SMIM36: variants seen among roughly 807,000 people sequenced by gnomAD.
SMIM36 encodes the protein small integral membrane protein 36.
chr17:55,520,865 T>C, the SMIM36 span, among the ~76,000 whole-genome samples: 1 of 152,218 alleles, frequency 6.6e-6, no homozygotes, highest in Non-Finnish European at 1.5e-5. Flanking sequence ...GTGCTGTGGC[T>C]CACACCTGTA....
At chr17:55,479,244 C>A (rs562280615) in intron 2 of SMIM36, among the ~76,000 whole-genome samples, 1 of 152,316 alleles carries the variant, frequency 6.6e-6, no homozygotes, top group East Asian at 1.9e-4. Flanking sequence ...TTGCTTAGGA[C>A]CACAGGCAGG....
rs1215091171 is a variant in SMIM36 at position 55,467,135 on chromosome 17, ATATACT to A, written c.*531+4_*531+9del. 6.6e-6 allele frequency: 1 copy of A among 152,280 alleles called. No homozygotes were observed. The highest frequency in any genetic ancestry group is 2.4e-5 in the African/African-American group (1 of 41,456). The allele number at this position is 152,280 out of a possible 1,614,324, so 9.4% of individuals were successfully genotyped here. On this transcript the variant is annotated splice_donor_5th_base_variant and intron_variant, in intron 4 of 4. Coordinates refer to ENST00000636752, the Ensembl canonical transcript of SMIM36. ...AATAGAAACACAAAGGATGAGGCAA[ATATACT>A]TACACAGTGTTTGTTATAATGTCTG...
chr17:55,452,405 A>G (rs928212439), intron 4 of SMIM36, among the ~76,000 whole-genome samples: 12 of 152,152 alleles, frequency 7.9e-5, no homozygotes, highest in African/African-American at 2.9e-4. Flanking sequence ...TTGCTAACAG[A>G]GCTGGGGTAG....
chr17:55,530,731 C>T, the SMIM36 span, among the ~76,000 whole-genome samples: 5 of 151,970 alleles, frequency 3.3e-5, no homozygotes, highest in East Asian at 5.8e-4. Flanking sequence ...TGTAGTGAGC[C>T]GAGATCGTGC....
At chr17:55,459,885 G>A (rs756280262) in intron 4 of SMIM36, among the ~76,000 whole-genome samples, 1 of 151,734 alleles carries the variant, frequency 6.6e-6, no homozygotes, top group Non-Finnish European at 1.5e-5. Context: ...TAATCCCAGC[G>A]ACTTTGGAGG....
intron 1 of SMIM36, among the ~76,000 whole-genome samples, chr17:55,494,580 A>G (rs1418016886): frequency 1.3e-5 from 2 of 152,126 alleles, no homozygotes; most frequent in African/African-American, 4.8e-5. Flanking sequence ...TGAGGGGTAC[A>G]AGAAGATTCA....
chr17:55,500,975 A>ATTATATTTTATAATATG (rs1909920269), intron 1 of SMIM36, among the ~76,000 whole-genome samples: 1 of 49,706 alleles, frequency 2.0e-5, no homozygotes, highest in African/African-American at 1.2e-4. Flanking sequence ...AATATATATT[A>ATTATATTTTATAATATG]TAATATATTA....
intron 1 of SMIM36, among the ~76,000 whole-genome samples, chr17:55,498,867 C>G (rs1567870055): frequency 6.6e-6 from 1 of 151,734 alleles, no homozygotes; most frequent in Non-Finnish European, 1.5e-5. Flanking sequence ...TGCATGGTGG[C>G]ATGCACTTGT....
intron 3 of SMIM36, among the ~76,000 whole-genome samples, chr17:55,472,668 C>T (rs538863082): frequency 4.6e-5 from 7 of 152,174 alleles, no homozygotes; most frequent in African/African-American, 1.2e-4. Flanking sequence ...CCCAGGAGTT[C>T]GAGACCAACC....
At chr17:55,529,334 A>G in the SMIM36 span, among the ~76,000 whole-genome samples, 3 of 152,208 alleles carry the variant, frequency 2.0e-5, no homozygotes, top group Admixed American at 2.0e-4. Flanking sequence ...TTCATACTAT[A>G]TATCCAGGCT....
Position 55,486,201 on chromosome 17 carries a change from ATTT to A in SMIM36, c.*175-6624_*175-6622del, listed in dbSNP as rs901942774. Among the ~76,000 whole-genome samples, 12 of 150,920 alleles carry A rather than the reference ATTT, an allele frequency of 8.0e-5. No homozygotes were observed. The East Asian group carries it at 2.3e-3, about 29-fold the overall frequency. The stretch of plus-strand genomic sequence containing the variant: ...AGGCCCATGCCACCATACACAGCTA[ATTT>A]TTTTTTGTATTTTTATTAGAGACAG... On this transcript the variant is annotated intron_variant, in intron 1 of 4. Coordinates refer to ENST00000636752, the Ensembl canonical transcript of SMIM36.
intron 3 of SMIM36, chr17:55,468,493 T>C (rs897888310): frequency 6.5e-6 from 1 of 153,186 alleles, no homozygotes. Context: ...CGTTGGTGTC[T>C]GATTATAGCG....
At chr17:55,510,707 G>A (rs561727668) in intron 1 of SMIM36, among the ~76,000 whole-genome samples, 172 bp downstream of exon 1, 1 of 135,182 alleles carries the variant, frequency 7.4e-6, no homozygotes, top group Non-Finnish European at 1.5e-5. Flanking sequence ...GCACGTGCAC[G>A]TGCACACACA....
At chr17:55,463,009 T>C (rs892087370) in intron 4 of SMIM36, among the ~76,000 whole-genome samples, 11 of 152,148 alleles carry the variant, frequency 7.2e-5, no homozygotes, top group African/African-American at 2.7e-4. Context: ...CCCAAGAACA[T>C]TTGGCCTCTG....
the SMIM36 span, among the ~76,000 whole-genome samples, chr17:55,531,453 T>A: frequency 6.6e-6 from 1 of 152,218 alleles, no homozygotes; most frequent in African/African-American, 2.4e-5. Context: ...TCTCTTTCCC[T>A]AACTACATTG....
At chr17:55,454,688 C>T (rs1174473317) in intron 4 of SMIM36, among the ~76,000 whole-genome samples, 1 of 152,090 alleles carries the variant, frequency 6.6e-6, no homozygotes, top group Non-Finnish European at 1.5e-5. Context: ...GCTTTCTATG[C>T]TTACAATACA....
At chr17:55,526,317 A>G in the SMIM36 span, among the ~76,000 whole-genome samples, 1 of 151,210 alleles carries the variant, frequency 6.6e-6, no homozygotes, top group Non-Finnish European at 1.5e-5. Context: ...TTATTTATTT[A>G]TTTTTTATTT....
At chr17:55,501,981 G>A (rs964811788) in intron 1 of SMIM36, among the ~76,000 whole-genome samples, 3 of 149,994 alleles carry the variant, frequency 2.0e-5, no homozygotes. Context: ...CTGGAAAATC[G>A]GGTCACTCCC....
At chr17:55,488,132 T>C (rs960310983) in intron 1 of SMIM36, among the ~76,000 whole-genome samples, 3 of 152,270 alleles carry the variant, frequency 2.0e-5, no homozygotes, top group African/African-American at 7.2e-5. Flanking sequence ...TTTACTTCTT[T>C]GGCCTTCAGC....
Sources: gnomAD v4.1 joint callset for allele counts (sites outside exome capture counted in the v4.1 genomes callset) on GRCh38, gnomAD v4.1.1 for gene constraint, MANE v1.5 for transcripts, NCBI Gene and HGNC (gene_info 2026-07-23, HGNC 2026-07-21) for gene names.